The following ROBO2 variants were observed in gnomAD, a reference collection of about 807,000 sequenced individuals.
The protein encoded by ROBO2 is roundabout homolog 2.
In ROBO2, 53 loss-of-function variants were observed where a neutral mutation model predicts 160.8. The ratio of observed to expected loss-of-function variants is 0.33; its 90% confidence interval spans 0.26 to 0.41. ROBO2 has a LOEUF of 0.41. Among genes scored for constraint, ROBO2 ranks in the 10% least tolerant of loss-of-function variants. ROBO2 has a pLI of 1.00. For missense variants in ROBO2, 1,577 were observed against 1,722.4 expected (o/e 0.92, Z 1.49); for synonymous variants, 664 against 611.7 (o/e 1.09, Z -1.26).
In ROBO2 at chr3:76,344,732, G is replaced by A. The variant is rs1345317422; in HGVS notation, c.109+407130G>A. Among the ~76,000 whole-genome samples the A allele has an allele frequency of 4.6e-5, 7 of 152,228 alleles. No homozygotes were observed. The South Asian group carries it at 6.2e-4, about 14-fold the overall frequency. On this transcript the variant is annotated intron_variant, in intron 2 of 26. Transcript: ENST00000487694. The stretch of plus-strand genomic sequence containing the variant: ...TTATATGTTCTGTTTTGAATAGGTC[G>A]ATCTGGGTTAAAATGCCCATTATAC...
chr3:77,008,511 G>C (rs992491449), intron 2 of ROBO2, among the ~76,000 whole-genome samples: 2 of 152,094 alleles, frequency 1.3e-5, no homozygotes, highest in African/African-American at 4.8e-5. Context: ...AGAAATATAC[G>C]ACAATACTAA....
chr3:76,447,775 A>G (rs1001015788), intron 2 of ROBO2, among the ~76,000 whole-genome samples: 6 of 151,578 alleles, frequency 4.0e-5, no homozygotes, highest in Non-Finnish European at 7.4e-5. Context: ...CATCATTCTC[A>G]GCAAACTATC....
At chr3:77,031,530 A>G (rs1307258010) in intron 2 of ROBO2, among the ~76,000 whole-genome samples, 1 of 146,438 alleles carries the variant, frequency 6.8e-6, no homozygotes, top group African/African-American at 2.5e-5. Context: ...TATATAATAT[A>G]TTCATTTGTA....
intron 2 of ROBO2, among the ~76,000 whole-genome samples, chr3:76,445,463 C>T (rs762138514): frequency 3.9e-5 from 6 of 151,982 alleles, no homozygotes; most frequent in Non-Finnish European, 2.9e-5. Flanking sequence ...AAAATATTCT[C>T]CGTGGAGCTG....
At chr3:77,202,185 T>C (rs1329843282) in intron 2 of ROBO2, among the ~76,000 whole-genome samples, 1 of 152,180 alleles carries the variant, frequency 6.6e-6, no homozygotes, top group Non-Finnish European at 1.5e-5. Flanking sequence ...GTGAAACTAC[T>C]GGTCATTGAG....
At chr3:77,302,239 AC>A (rs1410819542) in intron 2 of ROBO2, among the ~76,000 whole-genome samples, 2 of 151,894 alleles carry the variant, frequency 1.3e-5, no homozygotes, top group Non-Finnish European at 2.9e-5. Context: ...ACCAAACCTG[AC>A]CTGAGTCTGT....
At chr3:75,974,239 T>C (rs1035437257) in intron 2 of ROBO2, among the ~76,000 whole-genome samples, 18 of 151,532 alleles carry the variant, frequency 1.2e-4, no homozygotes, top group African/African-American at 4.4e-4. Context: ...AAAGAATAGG[T>C]TCAGGCATTT....
At chr3:77,593,142 A>G (rs571662646) in intron 17 of ROBO2, among the ~76,000 whole-genome samples, 3 of 152,090 alleles carry the variant, frequency 2.0e-5, no homozygotes, top group Non-Finnish European at 4.4e-5. Flanking sequence ...TTATTTGCAT[A>G]TTCACAATGA....
intron 2 of ROBO2, among the ~76,000 whole-genome samples, chr3:76,387,187 G>A (rs190889951): frequency 1.1e-4 from 16 of 152,220 alleles, no homozygotes; most frequent in African/African-American, 3.6e-4. Context: ...TTGTAAGGCA[G>A]TAATCCCATC....
intron 2 of ROBO2, among the ~76,000 whole-genome samples, chr3:76,747,341 T>C (rs1179318793): frequency 6.6e-6 from 1 of 152,138 alleles, no homozygotes; most frequent in Non-Finnish European, 1.5e-5. Flanking sequence ...TTCTTAACAT[T>C]GTTTAAGTGT....
intron 2 of ROBO2, among the ~76,000 whole-genome samples, chr3:76,727,709 A>G (rs2107798322): frequency 6.6e-6 from 1 of 152,234 alleles, no homozygotes; most frequent in South Asian, 2.1e-4. Context: ...AGGGAGGTAG[A>G]GAGTAGAATG....
chr3:76,255,041 G>A (rs2107569523), intron 2 of ROBO2, among the ~76,000 whole-genome samples: 1 of 152,192 alleles, frequency 6.6e-6, no homozygotes, highest in South Asian at 2.1e-4. Context: ...TCAGATGTAG[G>A]CTGACACTTT....
chr3:76,747,048 A>G (rs570760261), intron 2 of ROBO2, among the ~76,000 whole-genome samples: 2 of 152,164 alleles, frequency 1.3e-5, no homozygotes, highest in East Asian at 3.9e-4. Context: ...TATCCAGTCT[A>G]TCATTGATGG....
intron 2 of ROBO2, among the ~76,000 whole-genome samples, chr3:76,737,844 C>T (rs1289236122): frequency 1.2e-5 from 1 of 85,242 alleles, no homozygotes; most frequent in African/African-American, 5.4e-5. Flanking sequence ...CCTGTGAGAA[C>T]AGTATTATTT....
In ROBO2 at chr3:76,878,978, T is replaced by C. The variant is rs576267349; in HGVS notation, c.110-219036T>C. 1.6e-3 allele frequency among the ~76,000 whole-genome samples: 248 copies of C among 152,154 alleles called. 1 individual carries two copies. The highest frequency in any genetic ancestry group is 5.8e-3 in the African/African-American group (239 of 41,562). ...ATATTAAAAAGAAAAAGAATTAACA[T>C]ATTCAACTTGACTCAGAAATATGTA... is the stretch of plus-strand genomic sequence containing the variant. On this transcript the variant is annotated intron_variant, in intron 2 of 26. Coordinates refer to the ROBO2 transcript ENST00000487694.
intron 2 of ROBO2, among the ~76,000 whole-genome samples, chr3:77,434,290 A>G (rs1038769916): frequency 6.6e-6 from 1 of 152,062 alleles, no homozygotes; most frequent in African/African-American, 2.4e-5. Flanking sequence ...GATTTTTTTA[A>G]GAATGATCAG....
At chr3:76,793,935 G>T (rs1383101620) in intron 2 of ROBO2, among the ~76,000 whole-genome samples, 1 of 151,706 alleles carries the variant, frequency 6.6e-6, no homozygotes, top group African/African-American at 2.4e-5. Context: ...TGATTTTTTT[G>T]AAGAGTTTGA....
At chr3:77,207,846 C>T (rs2083620637) in intron 2 of ROBO2, among the ~76,000 whole-genome samples, 2 of 152,258 alleles carry the variant, frequency 1.3e-5, no homozygotes, top group South Asian at 2.1e-4. Flanking sequence ...AATGATATGC[C>T]TTCCATGCAG....
At chr3:76,410,628 A>G (rs1054992515) in intron 2 of ROBO2, among the ~76,000 whole-genome samples, 9 of 152,202 alleles carry the variant, frequency 5.9e-5, no homozygotes, top group South Asian at 4.1e-4. Context: ...TTTTTAGTTT[A>G]TTATTTGCCT....
Sources: allele counts gnomAD v4.1 joint callset (sites outside exome capture counted in the v4.1 genomes callset), GRCh38; gene constraint gnomAD v4.1.1; transcripts MANE v1.5; gene names NCBI Gene and HGNC (gene_info 2026-07-23, HGNC 2026-07-21).